The following CALN1 variants were observed in gnomAD, a reference collection of about 807,000 sequenced individuals.
The protein encoded by CALN1 is calcium-binding protein 8.
A neutral mutation model predicts 30.6 loss-of-function variants in CALN1; 17 were observed. That is an observed-to-expected ratio of 0.56 (90% confidence interval 0.38 to 0.83). CALN1 has a LOEUF of 0.83. CALN1 is among the 40% of genes least tolerant of loss of function. The pLI, the probability that CALN1 is intolerant of heterozygous loss-of-function variation, is 0.00. For missense variants in CALN1, 291 were observed against 354.9 expected (o/e 0.82, Z 1.45); for synonymous variants, 156 against 131.4 (o/e 1.19, Z -1.28).
intron 5 of CALN1, among the ~76,000 whole-genome samples, chr7:71,960,429 T>C (rs1797192446): frequency 1.3e-5 from 2 of 152,186 alleles, no homozygotes; most frequent in Non-Finnish European, 2.9e-5. Context: ...ATGTGGTATT[T>C]GACTTTCTGT....
intron 5 of CALN1, among the ~76,000 whole-genome samples, chr7:71,955,781 A>G (rs1388922739): frequency 6.6e-6 from 1 of 151,960 alleles, no homozygotes; most frequent in Non-Finnish European, 1.5e-5. Context: ...TGACCTGACT[A>G]TGATGCACTT....
chr7:71,938,868 A>G (rs1432241188), intron 5 of CALN1, among the ~76,000 whole-genome samples: 1 of 152,160 alleles, frequency 6.6e-6, no homozygotes, highest in Non-Finnish European at 1.5e-5. Context: ...ATGGTGGGAT[A>G]GCAGGAGGGG....
chr7:72,222,233 G>GA (rs71531794), intron 3 of CALN1, among the ~76,000 whole-genome samples: 23 of 147,442 alleles, frequency 1.6e-4, no homozygotes, highest in South Asian at 1.3e-3. Flanking sequence ...CTCAAAAAAA[G>GA]AAAAAAAAAA....
chr7:71,968,756 T>C (rs112952179), intron 5 of CALN1, among the ~76,000 whole-genome samples: 8,116 of 150,964 alleles, frequency 0.054, 514 homozygotes, highest in African/African-American at 0.16. Context: ...TCAAAATACA[T>C]AGAAGTGGCT....
intron 5 of CALN1, among the ~76,000 whole-genome samples, chr7:71,887,600 A>T (rs1792991126): frequency 6.6e-6 from 1 of 152,122 alleles, no homozygotes; most frequent in African/African-American, 2.4e-5. Context: ...CACCTAGCCC[A>T]TGATTATGTT....
chr7:72,164,674 A>C (rs909863967), intron 3 of CALN1, among the ~76,000 whole-genome samples: 13 of 151,992 alleles, frequency 8.6e-5, no homozygotes, highest in Non-Finnish European at 5.9e-5. Flanking sequence ...GAGTATATAC[A>C]TTTTTTGTGT....
intron 2 of CALN1, among the ~76,000 whole-genome samples, chr7:72,320,572 C>A (rs1002518073): frequency 6.6e-6 from 1 of 152,106 alleles, no homozygotes; most frequent in Admixed American, 6.5e-5. Context: ...TGATGGCTCA[C>A]GCCTGTAATC....
intron 5 of CALN1, among the ~76,000 whole-genome samples, chr7:71,821,673 C>T (rs1230010413): frequency 3.3e-5 from 5 of 152,028 alleles, no homozygotes; most frequent in South Asian, 2.1e-4. Flanking sequence ...TCATTATACA[C>T]GGTCTTTAAA....
At chr7:71,931,321 A>G (rs1233557947) in intron 5 of CALN1, among the ~76,000 whole-genome samples, 2 of 151,958 alleles carry the variant, frequency 1.3e-5, no homozygotes, top group African/African-American at 4.8e-5. Context: ...GCTAGAGTGC[A>G]GTGGAGTGAT....
intron 2 of CALN1, among the ~76,000 whole-genome samples, chr7:72,389,937 A>G (rs1037447401): frequency 2.6e-5 from 4 of 151,302 alleles, no homozygotes; most frequent in Admixed American, 6.6e-5. Context: ...TAAAAAAAAA[A>G]AAGAAGAAAG....
At chr7:72,376,074 T>G (rs374059922) in intron 2 of CALN1, among the ~76,000 whole-genome samples, 3 of 152,382 alleles carry the variant, frequency 2.0e-5, no homozygotes, top group East Asian at 3.9e-4. Context: ...ATTTGTATTT[T>G]ATTCCTTTAG....
intron 2 of CALN1, among the ~76,000 whole-genome samples, chr7:72,393,289 C>A (rs1419951383): frequency 6.6e-6 from 1 of 152,010 alleles, no homozygotes; most frequent in Non-Finnish European, 1.5e-5. Flanking sequence ...ACGGTGAAAC[C>A]CCATCTCTAC....
At chr7:72,401,604 T>C (rs974067818) in intron 2 of CALN1, among the ~76,000 whole-genome samples, 4 of 149,966 alleles carry the variant, frequency 2.7e-5, no homozygotes, top group African/African-American at 1.0e-4. Context: ...TGGGAGAAAC[T>C]GATTCCTTGG....
At chr7:72,035,849 A>T (rs1395608522) in intron 4 of CALN1, among the ~76,000 whole-genome samples, 8 of 152,246 alleles carry the variant, frequency 5.3e-5, no homozygotes, top group African/African-American at 1.9e-4. Flanking sequence ...GTCTTAAATT[A>T]TGTAGAAAAC....
chr7:72,239,517 C>T (rs1049906572), intron 3 of CALN1, among the ~76,000 whole-genome samples: 1 of 152,162 alleles, frequency 6.6e-6, no homozygotes, highest in African/African-American at 2.4e-5. Context: ...ACATCTGACA[C>T]AGCATAAATA....
intron 5 of CALN1, among the ~76,000 whole-genome samples, chr7:71,969,518 C>A (rs555984673): frequency 6.6e-6 from 1 of 152,058 alleles, no homozygotes; most frequent in Non-Finnish European, 1.5e-5. Flanking sequence ...TATTAATAAA[C>A]ATTCAAGCCA....
intron 3 of CALN1, among the ~76,000 whole-genome samples, chr7:72,159,657 G>A (rs984553032): frequency 2.6e-5 from 4 of 151,956 alleles, no homozygotes; most frequent in Admixed American, 6.6e-5. Flanking sequence ...AATTAGCTAC[G>A]CATGGTGGTG....
At chr7:72,003,002 G>C (rs1020661293) in intron 5 of CALN1, among the ~76,000 whole-genome samples, 2 of 152,170 alleles carry the variant, frequency 1.3e-5, no homozygotes, top group Non-Finnish European at 2.9e-5. Context: ...ATAGCTAACA[G>C]TCTATTGTAC....
At chr7:72,383,917 G>A (rs781668267) in intron 2 of CALN1, among the ~76,000 whole-genome samples, 5 of 152,074 alleles carry the variant, frequency 3.3e-5, no homozygotes, top group Non-Finnish European at 5.9e-5. Flanking sequence ...GTTACATAGG[G>A]ATACATGTTG....
Sources: allele counts gnomAD v4.1 joint callset (sites outside exome capture counted in the v4.1 genomes callset), GRCh38; gene constraint gnomAD v4.1.1; transcripts MANE v1.5; gene names NCBI Gene and HGNC (gene_info 2026-07-23, HGNC 2026-07-21).